The following TECRL variants were observed in gnomAD, a reference collection of about 807,000 sequenced individuals.
TECRL encodes trans-2,3-enoyl-CoA reductase like.
TECRL carries 63 observed loss-of-function variants against 52.8 expected under a neutral mutation model. The ratio of observed to expected loss-of-function variants is 1.19; its 90% CI spans 0.97 to 1.47. The LOEUF is 1.47. Among genes scored for constraint, TECRL ranks in the 40% most tolerant of loss-of-function variants. TECRL has a pLI of 0.00. For missense variants in TECRL, 482 were observed against 429.6 expected (o/e 1.12, Z -1.08); for synonymous variants, 164 against 141.9 (o/e 1.16, Z -1.10).
At chr4:64,374,443 G>A (rs1227935010) in intron 2 of TECRL, among the ~76,000 whole-genome samples, 2 of 150,298 alleles carry the variant, frequency 1.3e-5, no homozygotes, top group Non-Finnish European at 3.0e-5. Context: ...TAAGTTTTAG[G>A]GTACATGTGC....
At chr4:64,356,722 TTA>T (rs10566701) in intron 2 of TECRL, among the ~76,000 whole-genome samples, 137,499 of 151,904 alleles carry the variant, frequency 0.91, 62,739 homozygotes, top group East Asian at 1. Context: ...GACCAATGCG[TTA>T]GCAGGTCCTC....
At chr4:64,321,084 C>G (rs1183605648) in intron 4 of TECRL, among the ~76,000 whole-genome samples, 1 of 151,986 alleles carries the variant, frequency 6.6e-6, no homozygotes, top group African/African-American at 2.4e-5. Context: ...CTTTTCTCAC[C>G]TTTGTGGGCA....
chr4:64,333,072 T>A (rs922680680), intron 2 of TECRL, among the ~76,000 whole-genome samples: 9 of 152,004 alleles, frequency 5.9e-5, no homozygotes, highest in African/African-American at 2.2e-4. Context: ...ATTAAAGACA[T>A]ATGATGACAA....
At chr4:64,310,488 T>G (rs181176841) in intron 5 of TECRL, among the ~76,000 whole-genome samples, 25 of 152,320 alleles carry the variant, frequency 1.6e-4, no homozygotes, top group Non-Finnish European at 2.6e-4. Context: ...CTTTGTGTGT[T>G]TGTTTGTGTT....
At chr4:64,340,380 G>A (rs553666196) in intron 2 of TECRL, among the ~76,000 whole-genome samples, 55 of 152,310 alleles carry the variant, frequency 3.6e-4, no homozygotes, top group Middle Eastern at 3.4e-3. Flanking sequence ...GGGAGGCCCC[G>A]CTGCCTTCAC....
Position 64,409,229 on chromosome 4 carries a change from G to A in TECRL, c.123C>T (p.Leu41=), listed in dbSNP as rs769817276. The change falls in exon 1 of 12, where the codon CTC becomes CTT. Residue 41 remains leucine (L), a synonymous_variant. Coordinates refer to ENST00000381210, the MANE Select transcript of TECRL (RefSeq NM_001010874.5). The part of the protein sequence containing the change: ...RNFHFLSKLV[L]SAGPLRPTPA... ...GAGTTGGTCTTAGAGGGCCCGCTGA[G>A]AGTACAAGTTTTGACAAAAAGTGAA... 6.2e-6 allele frequency: 10 copies of A among 1,613,790 alleles called. No individual in the cohort carries two copies. The highest frequency in any genetic ancestry group is 8.5e-6 in the Non-Finnish European group (10 of 1,179,822).
At chr4:64,342,569 G>T (rs920061115) in intron 2 of TECRL, among the ~76,000 whole-genome samples, 1 of 151,998 alleles carries the variant, frequency 6.6e-6, no homozygotes, top group Non-Finnish European at 1.5e-5. Flanking sequence ...ACCAAAGTCT[G>T]TCCACATTCA....
chr4:64,343,265 G>T (rs192438151), intron 2 of TECRL, among the ~76,000 whole-genome samples: 4 of 152,018 alleles, frequency 2.6e-5, no homozygotes, highest in African/African-American at 9.7e-5. Flanking sequence ...ATATCTCTCC[G>T]TGTTTATGTT....
intron 2 of TECRL, among the ~76,000 whole-genome samples, chr4:64,352,049 C>T (rs1560521525): frequency 6.6e-6 from 1 of 152,120 alleles, no homozygotes; most frequent in East Asian, 1.9e-4. Context: ...TTTTCCAATT[C>T]TTAAGTTAAA....
chr4:64,391,999 C>T (rs981993310), intron 1 of TECRL, among the ~76,000 whole-genome samples: 1 of 151,746 alleles, frequency 6.6e-6, no homozygotes, highest in Non-Finnish European at 1.5e-5. Flanking sequence ...TTGCAAAACC[C>T]AGTGGTTTAA....
chr4:64,358,511 AAT>A (rs1462780098), intron 2 of TECRL, among the ~76,000 whole-genome samples: 1 of 151,692 alleles, frequency 6.6e-6, no homozygotes, highest in African/African-American at 2.4e-5. Flanking sequence ...ATTGGAGAAC[AAT>A]AGGTAAAATT....
At chr4:64,312,766 CAA>C (rs5858874) in intron 5 of TECRL, among the ~76,000 whole-genome samples, 2 of 143,644 alleles carry the variant, frequency 1.4e-5, no homozygotes, top group Admixed American at 6.9e-5. Context: ...GACCCTCTCT[CAA>C]AAAAAAAAAA....
chr4:64,329,878 C>T (rs1445775954), intron 2 of TECRL, among the ~76,000 whole-genome samples: 1 of 151,410 alleles, frequency 6.6e-6, no homozygotes, highest in East Asian at 1.9e-4. Flanking sequence ...GAATATAGTA[C>T]AATAAATGTT....
intron 1 of TECRL, among the ~76,000 whole-genome samples, chr4:64,391,415 A>T (rs1213848398): frequency 1.3e-5 from 2 of 151,846 alleles, no homozygotes; most frequent in Non-Finnish European, 2.9e-5. Context: ...AGTCTGCATG[A>T]TTGTCTCAGA....
rs188712700 is a variant in TECRL, at chr4:64,388,979, G to A, written c.235-13756C>T. ...TTGCTGCAAATCCATCATAATTCCA[G>A]GGGTTCTTTCTGTTTTCTTTTACTG... On this transcript the variant is annotated intron_variant, in intron 1 of 11. Transcript: ENST00000381210. 2.0e-5 allele frequency among the ~76,000 whole-genome samples: 3 copies of A among 151,856 alleles called. No homozygotes were observed. In the East Asian group the frequency reaches 5.8e-4, roughly 29 times the overall value.
At chr4:64,311,079 A>G (rs1716962016) in intron 5 of TECRL, among the ~76,000 whole-genome samples, 1 of 152,214 alleles carries the variant, frequency 6.6e-6, no homozygotes, top group East Asian at 1.9e-4. Context: ...TTTACTCTAT[A>G]TAATAATAAA....
At chr4:64,404,861 C>T (rs1419395834) in intron 1 of TECRL, among the ~76,000 whole-genome samples, 1 of 152,048 alleles carries the variant, frequency 6.6e-6, no homozygotes, top group Non-Finnish European at 1.5e-5. Context: ...ATATTATACT[C>T]CTCCATCTCA....
At chr4:64,330,845 C>A (rs1037117379) in intron 2 of TECRL, among the ~76,000 whole-genome samples, 1 of 152,074 alleles carries the variant, frequency 6.6e-6, no homozygotes, top group African/African-American at 2.4e-5. Context: ...ATAAGAATGG[C>A]AGTTCTATTC....
chr4:64,396,747 G>A (rs1723983139), intron 1 of TECRL, among the ~76,000 whole-genome samples: 1 of 152,016 alleles, frequency 6.6e-6, no homozygotes, highest in African/African-American at 2.4e-5. Flanking sequence ...TTCCATGATT[G>A]TATTTCATAA....
Sources: allele counts gnomAD v4.1 joint callset (sites outside exome capture counted in the v4.1 genomes callset), GRCh38; gene constraint gnomAD v4.1.1; transcripts MANE v1.5; gene names NCBI Gene and HGNC (gene_info 2026-07-23, HGNC 2026-07-21).